The following ARHGAP26 variants were observed in gnomAD, a reference collection of about 807,000 sequenced individuals.
ARHGAP26 encodes the protein rho GTPase-activating protein 26.
Under a neutral mutation model 104.8 loss-of-function variants are expected in ARHGAP26, and 38 were observed. The ratio of observed to expected loss-of-function variants is 0.36; its 90% confidence interval spans 0.28 to 0.48. The LOEUF (loss-of-function observed/expected upper bound fraction) is 0.48, where lower values mean the gene tolerates loss of function less well. Ranked by LOEUF, ARHGAP26 falls within the 20% of genes least tolerant of loss-of-function variation. ARHGAP26 has a pLI of 0.99. For synonymous variants in ARHGAP26, 341 were observed against 340.0 expected (o/e 1.00, Z -0.03); for missense variants, 704 against 947.9 (o/e 0.74, Z 3.38).
intron 1 of ARHGAP26, among the ~76,000 whole-genome samples, chr5:142,808,504 G>T (rs551480181): frequency 6.6e-6 from 1 of 151,454 alleles, no homozygotes; most frequent in African/African-American, 2.4e-5. Flanking sequence ...TGTGAGATAC[G>T]GCTAGTGTCA....
rs149359015 is a variant in ARHGAP26 at position 143,120,716 on chromosome 5, T to C, written c.1539-272T>C. 1.9e-3 allele frequency among the ~76,000 whole-genome samples: 282 copies of C among 152,290 alleles called. 2 individuals carry two copies. Among genetic ancestry groups the C allele is most frequent in the Middle Eastern group, 6.8e-3 (2 of 294 alleles). On this transcript the variant is annotated intron_variant, in intron 17 of 22. Coordinates refer to ENST00000645722, the MANE Select transcript of ARHGAP26 (RefSeq NM_001135608.3). ...GATTCAGATGTTCAAAGGTTAGTAA[T>C]TTGGCAGATAGTTGCTTTGGTTGGT...
intron 2 of ARHGAP26, chr5:142,874,908 T>A (rs1755865287): frequency 1.8e-6 from 1 of 557,934 alleles, no homozygotes; most frequent in Non-Finnish European, 3.2e-6. Context: ...CTAGCTAGAG[T>A]GCCAGGTGGA....
intron 1 of ARHGAP26, among the ~76,000 whole-genome samples, chr5:142,818,899 G>T (rs538146666): frequency 1.1e-3 from 160 of 152,224 alleles, no homozygotes; most frequent in Non-Finnish European, 1.7e-3. Context: ...CCTATGATAA[G>T]GTTCAAGCCC....
intron 12 of ARHGAP26, among the ~76,000 whole-genome samples, chr5:143,035,823 C>T (rs75329923): frequency 4.1e-4 from 62 of 151,150 alleles, no homozygotes; most frequent in African/African-American, 1.4e-3. Flanking sequence ...GTAATCCCAG[C>T]TACTAGAGAA....
At chr5:143,204,826 A>G (rs1193120467) in intron 20 of ARHGAP26, among the ~76,000 whole-genome samples, 1 of 151,644 alleles carries the variant, frequency 6.6e-6, no homozygotes, top group African/African-American at 2.4e-5. Context: ...AAAAGTTGGA[A>G]GGACTTTTTA....
intron 17 of ARHGAP26, among the ~76,000 whole-genome samples, chr5:143,099,596 A>C (rs1792919060): frequency 1.3e-5 from 2 of 152,234 alleles, no homozygotes; most frequent in South Asian, 4.1e-4. Flanking sequence ...TCATTTTCGC[A>C]GTGTCACTCA....
intron 19 of ARHGAP26, among the ~76,000 whole-genome samples, chr5:143,135,078 CA>C (rs1050923631): frequency 2.0e-5 from 3 of 152,334 alleles, no homozygotes; most frequent in Admixed American, 2.0e-4. Context: ...CAAGTGACTA[CA>C]AATGTGAGTC....
rs114430889 is a variant in ARHGAP26, at chr5:142,964,795, G to A, written c.1107+32670G>A. Among the ~76,000 whole-genome samples, 676 of 152,256 alleles carry A rather than the reference G, an allele frequency of 4.4e-3. 8 individuals are homozygous for A. The highest frequency in any genetic ancestry group is 0.016 in the African/African-American group (649 of 41,542). The stretch of plus-strand genomic sequence containing the variant: ...TGTAGGGGCCAGCCTCACAGGGTCG[G>A]TGGGCTTCTCCCTGTGTGCGGCGAC... On this transcript the variant is annotated intron_variant, in intron 11 of 22. Coordinates refer to ENST00000645722, the MANE Select transcript of ARHGAP26 (RefSeq NM_001135608.3).
At chr5:142,997,561 A>T (rs922944668) in intron 11 of ARHGAP26, among the ~76,000 whole-genome samples, 5 of 140,212 alleles carry the variant, frequency 3.6e-5, no homozygotes, top group Non-Finnish European at 3.0e-5. Flanking sequence ...GGTGCATGCC[A>T]CCCATGCCTG....
At chr5:142,785,473 T>C (rs762855803) in intron 1 of ARHGAP26, among the ~76,000 whole-genome samples, 74 of 152,356 alleles carry the variant, frequency 4.9e-4, no homozygotes, top group East Asian at 1.9e-4. Context: ...CACACTTCTT[T>C]TGTCTTGTCT....
intron 12 of ARHGAP26, among the ~76,000 whole-genome samples, chr5:143,022,365 G>A (rs192469127): frequency 6.4e-4 from 98 of 152,350 alleles, no homozygotes; most frequent in Middle Eastern, 3.4e-3. Flanking sequence ...GAGCCACTGC[G>A]CCTGGCCAAT....
At chr5:142,920,253 A>C (rs925118152) in intron 10 of ARHGAP26, among the ~76,000 whole-genome samples, 2 of 152,206 alleles carry the variant, frequency 1.3e-5, no homozygotes, top group Non-Finnish European at 2.9e-5. Flanking sequence ...AATCGGTAGT[A>C]CTTGCTTATG....
At chr5:143,079,794 T>C (rs767376583) in intron 17 of ARHGAP26, among the ~76,000 whole-genome samples, 46 of 152,044 alleles carry the variant, frequency 3.0e-4, no homozygotes, top group Admixed American at 7.9e-4. Context: ...GCAGCGTGCC[T>C]AGGGAAAGTG....
chr5:142,907,001 G>A (rs1405976225), intron 8 of ARHGAP26, among the ~76,000 whole-genome samples: 1 of 152,056 alleles, frequency 6.6e-6, no homozygotes, highest in Non-Finnish European at 1.5e-5. Flanking sequence ...CAAGTAATTG[G>A]CTAAGCACTG....
intron 1 of ARHGAP26, among the ~76,000 whole-genome samples, chr5:142,790,936 C>G (rs756420137): frequency 6.6e-6 from 1 of 152,116 alleles, no homozygotes; most frequent in Non-Finnish European, 1.5e-5. Flanking sequence ...CTAAACTCCC[C>G]GCTGCATGTT....
At chr5:143,163,792 C>T (rs1801572496) in intron 20 of ARHGAP26, among the ~76,000 whole-genome samples, 1 of 152,140 alleles carries the variant, frequency 6.6e-6, no homozygotes, top group African/African-American at 2.4e-5. Context: ...TCTTGTTCTC[C>T]AGGAGGCTTC....
chr5:142,831,891 C>T (rs186560204), intron 1 of ARHGAP26, among the ~76,000 whole-genome samples: 17 of 152,250 alleles, frequency 1.1e-4, no homozygotes, highest in South Asian at 2.1e-4. Context: ...CCTACATAGC[C>T]GCTTGACTGA....
intron 17 of ARHGAP26, among the ~76,000 whole-genome samples, chr5:143,093,568 TTC>T (rs1047638884): frequency 2.6e-4 from 40 of 151,824 alleles, no homozygotes; most frequent in African/African-American, 9.4e-4. Flanking sequence ...GTGTCTCTCT[TTC>T]TCTCTCTCTG....
intron 11 of ARHGAP26, among the ~76,000 whole-genome samples, chr5:142,943,128 T>C (rs1009007800): frequency 2.6e-5 from 4 of 152,042 alleles, no homozygotes; most frequent in Admixed American, 2.6e-4. Context: ...GTTTTTTTGT[T>C]TGTCTTTGGT....
Sources: allele counts gnomAD v4.1 joint callset (sites outside exome capture counted in the v4.1 genomes callset), GRCh38; gene constraint gnomAD v4.1.1; transcripts MANE v1.5; gene names NCBI Gene and HGNC (gene_info 2026-07-23, HGNC 2026-07-21).